The following TEC variants were observed in gnomAD, a reference collection of about 807,000 sequenced individuals.
The protein encoded by TEC is tyrosine-protein kinase Tec.
A neutral mutation model predicts 93.0 loss-of-function variants in TEC; 72 were observed. The observed-to-expected ratio is 0.77, with a 90% confidence interval of 0.64 to 0.94. The LOEUF is 0.94. Ranked by LOEUF, TEC falls within the 40% of genes least tolerant of loss-of-function variation. The pLI is 0.00. For synonymous variants in TEC, 249 were observed against 247.7 expected, an observed-to-expected ratio of 1.01 and a Z score of -0.05; for missense variants, 630 against 757.9, an observed-to-expected ratio of 0.83 and a Z score of 1.98.
At chr4:48,195,013 T>C (rs532822246) in intron 2 of TEC, among the ~76,000 whole-genome samples, 15 of 152,338 alleles carry the variant, frequency 9.8e-5, no homozygotes, top group African/African-American at 3.6e-4. Context: ...TGCTTGATGA[T>C]ATTAAGGAAG....
At chr4:48,171,530 A>G (rs7669393) in intron 3 of TEC, 81 bp from the exon 4 acceptor site, 392,947 of 1,002,958 alleles carry the variant, frequency 0.39, 82,659 homozygotes, top group East Asian at 0.89. Flanking sequence ...TTGGTACTAC[A>G]GACACCAATA....
intron 2 of TEC, among the ~76,000 whole-genome samples, chr4:48,200,167 C>T (rs1368816520): frequency 1.3e-5 from 2 of 151,836 alleles, no homozygotes; most frequent in East Asian, 3.9e-4. Context: ...GAGAAGTTAG[C>T]CATTCAAGGG....
intron 1 of TEC, among the ~76,000 whole-genome samples, chr4:48,254,202 G>C (rs1163177166): frequency 1.3e-5 from 2 of 152,232 alleles, no homozygotes; most frequent in Non-Finnish European, 2.9e-5. Context: ...GCAGAGCTGG[G>C]AGAGATGACC....
intron 2 of TEC, among the ~76,000 whole-genome samples, chr4:48,210,732 T>C (rs1341394944): frequency 6.6e-6 from 1 of 152,100 alleles, no homozygotes; most frequent in Non-Finnish European, 1.5e-5. Flanking sequence ...TTTCCACCAG[T>C]TACCAGAACT....
chr4:48,198,856 G>A (rs1204149919), intron 2 of TEC, among the ~76,000 whole-genome samples: 1 of 152,142 alleles, frequency 6.6e-6, no homozygotes, highest in Non-Finnish European at 1.5e-5. Flanking sequence ...TCTAATCCCA[G>A]AAGCCAGTCT....
chr4:48,187,140 G>T (rs1053214208), intron 2 of TEC, among the ~76,000 whole-genome samples: 2 of 151,474 alleles, frequency 1.3e-5, no homozygotes, highest in African/African-American at 2.4e-5. Context: ...CCCCCAACCC[G>T]GTGCTCTCTG....
At chr4:48,192,652 G>GA (rs145701949) in intron 2 of TEC, among the ~76,000 whole-genome samples, 26 of 150,114 alleles carry the variant, frequency 1.7e-4, no homozygotes, top group African/African-American at 4.6e-4. Flanking sequence ...AATGGTAAAA[G>GA]AAAAAAAAAT....
At chr4:48,261,609 G>A (rs761722826) in intron 1 of TEC, among the ~76,000 whole-genome samples, 2 of 152,020 alleles carry the variant, frequency 1.3e-5, no homozygotes, top group African/African-American at 4.8e-5. Flanking sequence ...GATAAGAGAA[G>A]AAAAATCAAA....
rs28680679 is a variant in TEC, at chr4:48,140,852, C to T, written c.1535+503G>A. 6.0e-3 allele frequency among the ~76,000 whole-genome samples: 921 copies of T among 152,244 alleles called. 13 individuals are homozygous for T. The highest frequency in any genetic ancestry group is 0.021 in the African/African-American group (891 of 41,528). ...ATCAGGTCTTCTGATTCACCCTCTT[C>T]CTCAATGTAAGCTGCATGCGGGCAA... On this transcript the variant is annotated intron_variant, in intron 15 of 17. Transcript: ENST00000381501.
intron 2 of TEC, among the ~76,000 whole-genome samples, chr4:48,186,697 G>C (rs1200803699): frequency 6.6e-6 from 1 of 151,472 alleles, no homozygotes. Context: ...CCCTCCGCCC[G>C]GCAGCCGCCC....
intron 3 of TEC, among the ~76,000 whole-genome samples, chr4:48,173,249 C>T (rs1372316147): frequency 1.3e-5 from 2 of 152,092 alleles, no homozygotes; most frequent in Non-Finnish European, 2.9e-5. Flanking sequence ...GTGTCAGTAC[C>T]GTGAGCCTGT....
intron 2 of TEC, among the ~76,000 whole-genome samples, chr4:48,218,574 G>A (rs1414499720): frequency 6.6e-6 from 1 of 152,178 alleles, no homozygotes; most frequent in Non-Finnish European, 1.5e-5. Flanking sequence ...AGGAAGTGCT[G>A]AAAGATACAA....
chr4:48,230,747 C>G (rs1397630448), intron 1 of TEC, among the ~76,000 whole-genome samples: 1 of 152,206 alleles, frequency 6.6e-6, no homozygotes, highest in Admixed American at 6.5e-5. Context: ...ACTTCCACCA[C>G]ACTCCAATCA....
rs1286554497 is a variant in TEC at position 48,174,407 on chromosome 4, T to C, written c.243+1675A>G. ...GGTGCAGTGGCTCACGACTGTAATC[T>C]CAGTACTTTGGGAGGCTGAGGCAGG... On this transcript the variant is annotated intron_variant, in intron 3 of 17. Transcript: ENST00000381501. 2.0e-5 allele frequency among the ~76,000 whole-genome samples: 3 copies of C among 152,176 alleles called. No individual in the cohort carries two copies. In the South Asian group the frequency reaches 6.2e-4, roughly 32 times the overall value.
chr4:48,269,343 G>A (rs1421074161), intron 1 of TEC, among the ~76,000 whole-genome samples: 1 of 152,262 alleles, frequency 6.6e-6, no homozygotes, highest in East Asian at 1.9e-4. Context: ...TTTCAATCAA[G>A]ATCGCGCCGC....
At chr4:48,229,858 G>C (rs1283179053) in intron 1 of TEC, among the ~76,000 whole-genome samples, 1 of 151,680 alleles carries the variant, frequency 6.6e-6, no homozygotes, top group Non-Finnish European at 1.5e-5. Context: ...TGGATCACCT[G>C]AGGTCACGAG....
intron 5 of TEC, 34 bp downstream of exon 5, chr4:48,170,214 C>T: frequency 2.6e-6 from 4 of 1,516,346 alleles, no homozygotes; most frequent in Non-Finnish European, 3.6e-6. Flanking sequence ...TCATTCTAAG[C>T]ACAATATAAT....
At chr4:48,202,859 T>C (rs544797420) in intron 2 of TEC, among the ~76,000 whole-genome samples, 1 of 152,334 alleles carries the variant, frequency 6.6e-6, no homozygotes, top group Admixed American at 6.5e-5. Context: ...GTGCTTCTGG[T>C]TTCAGAAAAT....
chr4:48,187,099 T>G lies in TEC; in HGVS notation c.139-10913A>C, dbSNP rs201965566. On this transcript the variant is annotated intron_variant, in intron 2 of 17. Coordinates refer to ENST00000381501, the MANE Select transcript of TEC (RefSeq NM_003215.3). ...TGTTCTGTACTAAGAAAAATTCTTC[T>G]GCCTTGGGATGCTGTTAATCTATAA... Among the ~76,000 whole-genome samples the G allele has an allele frequency of 5.8e-4, 89 of 152,368 alleles. 1 individual carries two copies. The East Asian group carries it at 0.014, about 24-fold the overall frequency.
Sources: allele counts gnomAD v4.1 joint callset (sites outside exome capture counted in the v4.1 genomes callset), GRCh38; gene constraint gnomAD v4.1.1; transcripts MANE v1.5; gene names NCBI Gene and HGNC (gene_info 2026-07-23, HGNC 2026-07-21).